The following ATP13A4 variants were observed in gnomAD, a reference collection of about 807,000 sequenced individuals.
ATP13A4 encodes ATPase 13A4.
A neutral mutation model predicts 142.5 loss-of-function variants in ATP13A4; 114 were observed. The ratio of observed to expected loss-of-function variants is 0.80; its 90% CI spans 0.69 to 0.93. The LOEUF is 0.93. Among genes scored for constraint, ATP13A4 ranks in the 40% least tolerant of loss-of-function variants. ATP13A4 has a pLI of 0.00. For synonymous variants in ATP13A4, 488 were observed against 514.8 expected (o/e 0.95, Z 0.70); for missense variants, 1,392 against 1,454.0 (o/e 0.96, Z 0.69).
At chr3:193,509,739 A>G (rs1345199331) in intron 2 of ATP13A4, among the ~76,000 whole-genome samples, 1 of 152,214 alleles carries the variant, frequency 6.6e-6, no homozygotes, top group Non-Finnish European at 1.5e-5. Context: ...GAATGAATCA[A>G]CAAAGACTTA....
chr3:193,573,295 A>ATATATATGTATATATATG (rs1560287323), intron 2 of ATP13A4, among the ~76,000 whole-genome samples: 1 of 83,962 alleles, frequency 1.2e-5, no homozygotes, highest in African/African-American at 5.4e-5. Flanking sequence ...ATATACACAT[A>ATATATATGTATATATATG]TATATATATA....
chr3:193,471,007 G>A lies in ATP13A4; in HGVS notation c.809-14C>T, dbSNP rs1718588854. The A allele has an allele frequency of 1.2e-6, 2 of 1,614,128 alleles. No individual in the cohort carries two copies. Among genetic ancestry groups the A allele is most frequent in the East Asian group, 2.2e-5 (1 of 44,888 alleles). ...CTTGAACTCCAGCTGAAAGTGGGAGGAGACAGAGTTGAGTCAGGTTATTTT... is the reference window on the plus strand; with the variant it reads ...CTTGAACTCCAGCTGAAAGTGGGAGAAGACAGAGTTGAGTCAGGTTATTTT... On this transcript the variant is annotated splice_polypyrimidine_tract_variant and intron_variant, in intron 8 of 29. Coordinates refer to ENST00000342695, the MANE Select transcript of ATP13A4 (RefSeq NM_032279.4).
intron 1 of ATP13A4, among the ~76,000 whole-genome samples, chr3:193,516,747 C>T (rs1023204786): frequency 1.3e-5 from 2 of 152,110 alleles, no homozygotes; most frequent in Non-Finnish European, 2.9e-5. Flanking sequence ...CTGAGTTACT[C>T]GGTTCTATAG....
At chr3:193,500,283 T>G (rs1402297236) in intron 3 of ATP13A4, among the ~76,000 whole-genome samples, 2 of 152,146 alleles carry the variant, frequency 1.3e-5, no homozygotes, top group Non-Finnish European at 2.9e-5. Flanking sequence ...GAACATGTTA[T>G]AAGAGCATCC....
intron 25 of ATP13A4, among the ~76,000 whole-genome samples, chr3:193,421,374 G>T (rs1309234450): frequency 1.3e-5 from 2 of 149,480 alleles, no homozygotes; most frequent in African/African-American, 4.9e-5. Flanking sequence ...GAAGTTGAGA[G>T]AATTCATCAC....
intron 2 of ATP13A4, among the ~76,000 whole-genome samples, chr3:193,563,851 C>T (rs1475819440): frequency 6.6e-6 from 1 of 152,120 alleles, no homozygotes; most frequent in Non-Finnish European, 1.5e-5. Flanking sequence ...AGATTTACAA[C>T]CAACCTCTGG....
chr3:193,568,701 G>A (rs1724193999), intron 2 of ATP13A4, among the ~76,000 whole-genome samples: 1 of 152,102 alleles, frequency 6.6e-6, no homozygotes, highest in East Asian at 1.9e-4. Context: ...TAGGACTGGG[G>A]ACACAAATAT....
At chr3:193,527,185 T>C (rs1293298785) in intron 1 of ATP13A4, among the ~76,000 whole-genome samples, 1 of 152,208 alleles carries the variant, frequency 6.6e-6, no homozygotes, top group Non-Finnish European at 1.5e-5. Flanking sequence ...TTTGGCTCTG[T>C]GTCTCCGCCC....
Position 193,402,710 on chromosome 3 carries a change from C to G in ATP13A4, c.3533G>C (p.Cys1178Ser), listed in dbSNP as rs1450900671. The change falls in exon 30 of 30, where the codon TGT becomes TCT. Residue 1178 changes from cysteine to serine, a missense_variant. Transcript: ENST00000342695. Reference sequence around the variant, plus strand: ...ATTGCTGTAAGACACTCCTCTGCCACACTCCGGCATGTCAGAGTGGGAGGT... The same window carrying G: ...ATTGCTGTAAGACACTCCTCTGCCAGACTCCGGCATGTCAGAGTGGGAGGT... ...NQTSHSDMPE[C>S]GRGVSYSNPV... The G allele has an allele frequency of 7.0e-7, 1 of 1,431,834 alleles. No individual in the cohort carries two copies. Among genetic ancestry groups the G allele is most frequent in the Admixed American group, 1.7e-5 (1 of 59,788 alleles). 88.7% of individuals were successfully genotyped at this position (1,431,834 alleles called of 1,614,324 possible). A position where few individuals can be genotyped will look rare whatever the true frequency, so the allele number is the denominator to read the frequency against.
chr3:193,539,842 C>T (rs1722789771), intron 1 of ATP13A4, among the ~76,000 whole-genome samples: 1 of 152,166 alleles, frequency 6.6e-6, no homozygotes, highest in East Asian at 1.9e-4. Context: ...TATTATTAGG[C>T]ATATTTGCAT....
chr3:193,404,061 C>T (rs552530090), intron 29 of ATP13A4: 4 of 985,428 alleles, frequency 4.1e-6, no homozygotes, highest in Admixed American at 6.1e-5. Flanking sequence ...ATCCATATAA[C>T]CGTCTCAGCC....
chr3:193,562,156 C>T (rs1724030370), intron 2 of ATP13A4, among the ~76,000 whole-genome samples: 1 of 152,116 alleles, frequency 6.6e-6, no homozygotes, highest in Non-Finnish European at 1.5e-5. Flanking sequence ...ACCCCACATA[C>T]TCTGGTCCCG....
chr3:193,452,072 C>T (rs916629070), intron 17 of ATP13A4, among the ~76,000 whole-genome samples: 2 of 152,284 alleles, frequency 1.3e-5, no homozygotes, highest in Admixed American at 6.5e-5. Flanking sequence ...GCTCATGTGT[C>T]TCCACAGTAA....
chr3:193,573,301 A>ATATACTTATATATATATATATGTG (rs1560287360), intron 2 of ATP13A4, among the ~76,000 whole-genome samples: 7 of 78,990 alleles, frequency 8.9e-5, no homozygotes, highest in East Asian at 3.3e-4. Context: ...ACATATATAT[A>ATATACTTATATATATATATATGTG]TATATACATA....
intron 19 of ATP13A4, among the ~76,000 whole-genome samples, 195 bp from the exon 20 acceptor site, chr3:193,441,783 C>T (rs1320286820): frequency 1.3e-5 from 2 of 152,180 alleles, no homozygotes; most frequent in African/African-American, 4.8e-5. Context: ...AGGAGAATAA[C>T]ACTTACTCAT....
chr3:193,566,831 C>A (rs941169686), intron 2 of ATP13A4, among the ~76,000 whole-genome samples: 1 of 152,146 alleles, frequency 6.6e-6, no homozygotes, highest in Non-Finnish European at 1.5e-5. Flanking sequence ...TGATGGCACA[C>A]ATATGTTAAA....
At chr3:193,497,337 T>C (rs960069630) in intron 3 of ATP13A4, among the ~76,000 whole-genome samples, 11 of 152,100 alleles carry the variant, frequency 7.2e-5, no homozygotes, top group Non-Finnish European at 1.6e-4. Flanking sequence ...TCACTAATCA[T>C]CAGGGAAATG....
intron 16 of ATP13A4, among the ~76,000 whole-genome samples, chr3:193,454,765 A>G (rs1303901447): frequency 6.6e-6 from 1 of 152,246 alleles, no homozygotes; most frequent in Non-Finnish European, 1.5e-5. Context: ...AAAGCCTGGA[A>G]GACAGCCTAG....
At chr3:193,584,017 C>T (rs1213494564) in intron 1 of ATP13A4, among the ~76,000 whole-genome samples, 1 of 152,186 alleles carries the variant, frequency 6.6e-6, no homozygotes, top group Non-Finnish European at 1.5e-5. Flanking sequence ...CCATCACACT[C>T]ACACACTCCA....
Sources: allele counts gnomAD v4.1 joint callset (sites outside exome capture counted in the v4.1 genomes callset), GRCh38; gene constraint gnomAD v4.1.1; transcripts MANE v1.5; gene names NCBI Gene and HGNC (gene_info 2026-07-23, HGNC 2026-07-21).